Variants in UBE2E2 observed in about 807,000 individuals in gnomAD.
UBE2E2 encodes ubiquitin conjugating enzyme E2 E2.
In UBE2E2, 6 loss-of-function variants were observed where a neutral mutation model predicts 24.7. The observed-to-expected ratio is 0.24, with a 90% CI of 0.13 to 0.48. The LOEUF is 0.48. UBE2E2 is among the 20% of genes least tolerant of loss of function. The pLI is 0.99. For missense variants in UBE2E2, 169 were observed against 245.0 expected (o/e 0.69, Z 2.07); for synonymous variants, 104 against 83.6 (o/e 1.24, Z -1.33).
chr3:23,472,747 C>G (rs1699055288), intron 3 of UBE2E2, among the ~76,000 whole-genome samples: 1 of 151,614 alleles, frequency 6.6e-6, no homozygotes, highest in Non-Finnish European at 1.5e-5. Context: ...CTCCTGGACT[C>G]AATCCTCCCA....
At chr3:23,505,841 A>G (rs930219236) in intron 4 of UBE2E2, among the ~76,000 whole-genome samples, 2 of 152,296 alleles carry the variant, frequency 1.3e-5, no homozygotes, top group East Asian at 1.9e-4. Flanking sequence ...CAGGTTTTCA[A>G]AATCTTTATT....
rs1695480322 is a variant in UBE2E2 at position 23,544,837 on chromosome 3, T to G, written c.508+12136T>G. 2.0e-5 allele frequency among the ~76,000 whole-genome samples: 3 copies of G among 152,198 alleles called. No individual in the cohort carries two copies. In the South Asian group the frequency reaches 6.2e-4, roughly 32 times the overall value. ...AGCCTCTGAGTTCCCTTAGTATTTA[T>G]TGATCATTTGTGGGTGTTTCTCCGA... On this transcript the variant is annotated intron_variant, in intron 5 of 5. Transcript: ENST00000396703.
At chr3:23,457,181 G>C (rs1034188152) in intron 3 of UBE2E2, among the ~76,000 whole-genome samples, 3 of 152,194 alleles carry the variant, frequency 2.0e-5, no homozygotes, top group African/African-American at 4.8e-5. Context: ...TATGCTGCGT[G>C]TATAGAAAAT....
intron 3 of UBE2E2, among the ~76,000 whole-genome samples, chr3:23,489,267 A>G (rs1699445523): frequency 6.6e-6 from 1 of 152,158 alleles, no homozygotes; most frequent in South Asian, 2.1e-4. Context: ...AAATAATTAT[A>G]TAACTCACCA....
intron 5 of UBE2E2, among the ~76,000 whole-genome samples, chr3:23,585,231 A>T (rs986322781): frequency 1.3e-5 from 2 of 151,842 alleles, no homozygotes; most frequent in Non-Finnish European, 2.9e-5. Flanking sequence ...AATAAACTGG[A>T]CATGCTACTG....
At chr3:23,563,686 A>G (rs79006242) in intron 5 of UBE2E2, among the ~76,000 whole-genome samples, 3,428 of 152,224 alleles carry the variant, frequency 0.023, 126 homozygotes, top group African/African-American at 0.078. Flanking sequence ...TAAAGAATTC[A>G]ATAAATTTCA....
At chr3:23,316,450 A>C (rs976022756) in intron 3 of UBE2E2, among the ~76,000 whole-genome samples, 4 of 151,860 alleles carry the variant, frequency 2.6e-5, no homozygotes, top group Non-Finnish European at 5.9e-5. Flanking sequence ...CCTAAGGCCA[A>C]GGGCTCTTCA....
intron 3 of UBE2E2, among the ~76,000 whole-genome samples, chr3:23,336,716 A>G (rs775131931): frequency 1.3e-4 from 20 of 152,238 alleles, no homozygotes; most frequent in Non-Finnish European, 1.9e-4. Context: ...TGAACTTTTG[A>G]GAAAAAAATA....
At chr3:23,334,031 A>G (rs1695139513) in intron 3 of UBE2E2, among the ~76,000 whole-genome samples, 1 of 152,160 alleles carries the variant, frequency 6.6e-6, no homozygotes, top group Non-Finnish European at 1.5e-5. Context: ...ATCAACATTA[A>G]TTTGATTCTT....
chr3:23,328,114 T>C (rs1694953306), intron 3 of UBE2E2, among the ~76,000 whole-genome samples: 1 of 152,064 alleles, frequency 6.6e-6, no homozygotes, highest in African/African-American at 2.4e-5. Context: ...TGATCTAATA[T>C]GAAAATCAAT....
At chr3:23,441,035 G>A (rs1698292245) in intron 3 of UBE2E2, among the ~76,000 whole-genome samples, 2 of 152,158 alleles carry the variant, frequency 1.3e-5, no homozygotes, top group African/African-American at 2.4e-5. Flanking sequence ...TCTAAAGAGA[G>A]AATGGGCTGT....
intron 3 of UBE2E2, among the ~76,000 whole-genome samples, chr3:23,306,693 G>A (rs1699245822): frequency 6.6e-6 from 1 of 152,142 alleles, no homozygotes; most frequent in Admixed American, 6.6e-5. Flanking sequence ...CTTTCTTATA[G>A]TACCATTCTT....
At chr3:23,301,325 G>A (rs1699082611) in intron 3 of UBE2E2, among the ~76,000 whole-genome samples, 2 of 152,196 alleles carry the variant, frequency 1.3e-5, no homozygotes. Context: ...TGTTGCTGGT[G>A]AGGAGCTGCG....
intron 4 of UBE2E2, among the ~76,000 whole-genome samples, chr3:23,525,532 C>T (rs1229572245): frequency 6.6e-6 from 1 of 152,130 alleles, no homozygotes; most frequent in African/African-American, 2.4e-5. Context: ...TCCTCCCTGC[C>T]TTTGAAAACT....
intron 3 of UBE2E2, among the ~76,000 whole-genome samples, chr3:23,419,422 C>A (rs372728176): frequency 6.6e-6 from 1 of 152,296 alleles, no homozygotes. Context: ...GATGAGTTGT[C>A]AACATGTAGT....
chr3:23,332,837 A>G (rs1468191666), intron 3 of UBE2E2, among the ~76,000 whole-genome samples: 2 of 152,272 alleles, frequency 1.3e-5, no homozygotes, highest in East Asian at 3.9e-4. Context: ...TGTCACTAAG[A>G]CTTGAAATCA....
chr3:23,540,468 G>A (rs1032408226), intron 5 of UBE2E2, among the ~76,000 whole-genome samples: 6 of 151,992 alleles, frequency 3.9e-5, no homozygotes, highest in African/African-American at 9.7e-5. Flanking sequence ...GCAATGGTGC[G>A]ATCTCAGCTC....
At chr3:23,229,366 T>C (rs1696914641) in intron 3 of UBE2E2, among the ~76,000 whole-genome samples, 1 of 152,152 alleles carries the variant, frequency 6.6e-6, no homozygotes, top group Admixed American at 6.6e-5. Flanking sequence ...TCAGTGGTGA[T>C]TTGTGAGATT....
chr3:23,234,406 T>A (rs1697051386), intron 3 of UBE2E2, among the ~76,000 whole-genome samples: 1 of 152,122 alleles, frequency 6.6e-6, no homozygotes, highest in Non-Finnish European at 1.5e-5. Context: ...TGATGTTCAG[T>A]TGGACACATA....
Sources: gnomAD v4.1 joint callset for allele counts (sites outside exome capture counted in the v4.1 genomes callset) on GRCh38, gnomAD v4.1.1 for gene constraint, MANE v1.5 for transcripts, NCBI Gene and HGNC (gene_info 2026-07-23, HGNC 2026-07-21) for gene names.